ZNF558: variants seen among roughly 807,000 people sequenced by gnomAD.
ZNF558 encodes zinc finger protein 558.
A neutral mutation model predicts 37.6 loss-of-function variants in ZNF558; 23 were observed. That is an observed-to-expected ratio of 0.61 (90% CI 0.44 to 0.87). The LOEUF (loss-of-function observed/expected upper bound fraction) is 0.87, where lower values mean the gene tolerates loss of function less well. Among genes scored for constraint, ZNF558 ranks in the 40% least tolerant of loss-of-function variants. The probability of loss-of-function intolerance (pLI) is 0.00; values close to 1 mark genes in which losing one functional copy is unlikely to be tolerated. For synonymous variants in ZNF558, 189 were observed against 174.4 expected, an observed-to-expected ratio of 1.08 and a Z score of -0.66; for missense variants, 429 against 483.7, an observed-to-expected ratio of 0.89 and a Z score of 1.06.
At chr19:8,830,171 GT>G in intron 2 of ZNF558, among the ~76,000 whole-genome samples, 1 of 152,168 alleles carries the variant, frequency 6.6e-6, no homozygotes. Flanking sequence ...CTGCTGCCAT[GT>G]AAGACGTGCC....
chr19:8,821,824 A>G, intron 6 of ZNF558, 179 bp downstream of exon 6: 1 of 1,440,384 alleles, frequency 6.9e-7, no homozygotes, highest in Non-Finnish European at 9.1e-7. Flanking sequence ...CTGAACCTGC[A>G]GTAAATGTTG....
chr19:8,818,608 G>A (rs187461460), intron 7 of ZNF558, among the ~76,000 whole-genome samples: 40 of 152,172 alleles, frequency 2.6e-4, no homozygotes, highest in African/African-American at 7.9e-4. Flanking sequence ...ATGGCATTGC[G>A]AGGGATCTTG....
chr19:8,813,236 C>G lies in ZNF558; in HGVS notation c.248-14G>C. On this transcript the variant is annotated splice_polypyrimidine_tract_variant and intron_variant, in intron 7 of 9. Transcript: ENST00000601372. The stretch of plus-strand genomic sequence containing the variant: ...TAACACGACACCCTATTTATGGAAA[C>G]AATACACATGATATAGGTAACAGTG... 1.9e-6 allele frequency: 3 copies of G among 1,567,504 alleles called. No individual in the cohort carries two copies. The highest frequency in any genetic ancestry group is 1.7e-6 in the Non-Finnish European group (2 of 1,152,454).
Position 8,822,165 on chromosome 19 carries a change from C to G in ZNF558, c.32-74G>C, listed in dbSNP as rs1396188792. On this transcript the variant is annotated intron_variant, in intron 5 of 9. Coordinates refer to ENST00000601372, the MANE Select transcript of ZNF558 (RefSeq NM_144693.3). This position sits in a 1 kb window ranked among gnomAD's most constrained non-coding sequence, Gnocchi z 4.4. ...ACAGATCTGCCCCTGATTGACCACA[C>G]CCACCTCCCACACCCACACGGATGA... is the stretch of plus-strand genomic sequence containing the variant. 7 of 1,570,392 alleles carry G rather than the reference C, an allele frequency of 4.5e-6. No individual in the cohort carries two copies. The South Asian group carries it at 5.7e-5, about 13-fold the overall frequency.
At chr19:8,813,974 T>C (rs1300873130) in intron 7 of ZNF558, among the ~76,000 whole-genome samples, 1 of 152,152 alleles carries the variant, frequency 6.6e-6, no homozygotes, top group Admixed American at 6.5e-5. Context: ...TCAAGAAAAC[T>C]TGAAAGAAGT....
intron 7 of ZNF558, among the ~76,000 whole-genome samples, chr19:8,819,026 A>G (rs932706010): frequency 6.6e-6 from 1 of 152,236 alleles, no homozygotes; most frequent in Non-Finnish European, 1.5e-5. Context: ...CTCAAAATCT[A>G]TCACACAGCT....
intron 6 of ZNF558, 186 bp from the exon 7 acceptor site, chr19:8,821,492 G>T: frequency 6.9e-7 from 1 of 1,453,522 alleles, no homozygotes; most frequent in South Asian, 1.5e-5. Context: ...CTCTCCTGGG[G>T]TTCTGAGCTC....
chr19:8,831,012 A>T (rs1384513951), intron 2 of ZNF558: 1 of 152,228 alleles, frequency 6.6e-6, no homozygotes, highest in African/African-American at 2.4e-5. Context: ...TTCTATACTT[A>T]TATAAAATTC....
At chr19:8,816,055 AAC>A (rs112370625) in intron 7 of ZNF558, among the ~76,000 whole-genome samples, 120,335 of 150,084 alleles carry the variant, frequency 0.8, 48,765 homozygotes, top group South Asian at 0.9. Flanking sequence ...TTCATACTGA[AAC>A]ACACACACAC....
chr19:8,813,594 T>C (rs782728559), intron 7 of ZNF558, among the ~76,000 whole-genome samples: 4 of 152,210 alleles, frequency 2.6e-5, no homozygotes, highest in South Asian at 2.1e-4. Context: ...CTTGATCTCC[T>C]GGCCTCGTGA....
At chr19:8,823,696 T>C (rs2044162491) in intron 4 of ZNF558, 1 of 145,426 alleles carries the variant, frequency 6.9e-6, no homozygotes, top group African/African-American at 2.6e-5. Context: ...CTCACCCAGC[T>C]TGGATGTCAC....
chr19:8,829,005 T>C (rs1400604106), intron 2 of ZNF558, among the ~76,000 whole-genome samples: 2 of 149,668 alleles, frequency 1.3e-5, no homozygotes, highest in Non-Finnish European at 3.0e-5. Flanking sequence ...CTCATGCCTG[T>C]ATCATCTCAG....
chr19:8,814,303 T>C (rs541246494), intron 7 of ZNF558, among the ~76,000 whole-genome samples: 13 of 152,312 alleles, frequency 8.5e-5, no homozygotes, highest in African/African-American at 2.6e-4. Flanking sequence ...GGTGGTTCCC[T>C]GAAGGACTGG....
intron 7 of ZNF558, among the ~76,000 whole-genome samples, chr19:8,814,702 C>T (rs535265290): frequency 1.8e-4 from 27 of 152,248 alleles, no homozygotes; most frequent in African/African-American, 6.3e-4. Context: ...AAAGGCATGT[C>T]CCTATGTACA....
intron 7 of ZNF558, among the ~76,000 whole-genome samples, chr19:8,814,602 G>A (rs2043884050): frequency 1.3e-5 from 2 of 152,142 alleles, no homozygotes; most frequent in African/African-American, 2.4e-5. Context: ...TACCTGAGAA[G>A]GCACAAAACC....
intron 8 of ZNF558, among the ~76,000 whole-genome samples, 196 bp downstream of exon 8, chr19:8,812,931 T>C (rs1555768851): frequency 6.6e-6 from 1 of 152,050 alleles, no homozygotes; most frequent in African/African-American, 2.4e-5. Flanking sequence ...AAGTGAAGTA[T>C]GAGATGATGA....
chr19:8,813,359 C>T, intron 7 of ZNF558, 137 bp from the exon 8 acceptor site: 1 of 672,222 alleles, frequency 1.5e-6, no homozygotes, highest in Non-Finnish European at 2.5e-6. Flanking sequence ...TAATTCTTTT[C>T]TTTTTTTTAT....
chr19:8,823,050 G>A (rs559788794), intron 4 of ZNF558, among the ~76,000 whole-genome samples: 83 of 151,866 alleles, frequency 5.5e-4, no homozygotes, highest in African/African-American at 1.8e-3. Context: ...CGGGGACTCC[G>A]GCGCCTCCAT....
Position 8,822,918 on chromosome 19 carries a change from A to G in ZNF558, c.-65-194T>C, listed in dbSNP as rs566848467. On this transcript the variant is annotated intron_variant, in intron 4 of 9. Coordinates refer to ENST00000601372, the MANE Select transcript of ZNF558 (RefSeq NM_144693.3). This position sits in a 1 kb window ranked among gnomAD's most constrained non-coding sequence, Gnocchi z 4.4. ...GAAAACTTGCCTTCCTCTGTCCCCA[A>G]CACAACGACCAGTACCTCCCTGACC... 6.4e-5 allele frequency: 36 copies of G among 561,906 alleles called. 2 individuals are homozygous for G. The highest frequency in any genetic ancestry group is 6.2e-4 in the South Asian group (31 of 49,656). 34.8% of individuals were successfully genotyped at this position (561,906 alleles called of 1,614,324 possible).
Sources: allele counts gnomAD v4.1 joint callset (sites outside exome capture counted in the v4.1 genomes callset), GRCh38; gene constraint gnomAD v4.1.1; non-coding constraint Gnocchi (gnomAD v3.1); transcripts MANE v1.5; gene names NCBI Gene and HGNC (gene_info 2026-07-23, HGNC 2026-07-21).